Variants in PRR16 observed in about 807,000 individuals in gnomAD.
The protein encoded by PRR16 is protein Largen.
Under a neutral mutation model 18.2 loss-of-function variants are expected in PRR16, and 6 were observed. That is an observed-to-expected ratio of 0.33 (90% CI 0.18 to 0.65). The LOEUF is 0.65. PRR16 is among the 30% of genes least tolerant of loss of function. PRR16 has a pLI of 0.74. For missense variants in PRR16, 412 were observed against 376.6 expected (o/e 1.09, Z -0.78); for synonymous variants, 151 against 147.8 (o/e 1.02, Z -0.16).
chr5:120,698,618 G>A, the PRR16 span, among the ~76,000 whole-genome samples: 6 of 151,816 alleles, frequency 4.0e-5, no homozygotes, highest in Non-Finnish European at 8.8e-5. Context: ...AGTCTAAGTT[G>A]GTCTGGTGTC....
chr5:120,776,019 G>A, the PRR16 span, among the ~76,000 whole-genome samples: 24 of 151,980 alleles, frequency 1.6e-4, no homozygotes, highest in African/African-American at 5.5e-4. Context: ...CTGTCTACAT[G>A]GTAACATCCT....
At chr5:120,678,785 T>A (rs1262436101) in intron 1 of PRR16, among the ~76,000 whole-genome samples, 1 of 152,128 alleles carries the variant, frequency 6.6e-6, no homozygotes, top group Non-Finnish European at 1.5e-5. Flanking sequence ...TATTTCTTTC[T>A]CTTATCTAAT....
At chr5:120,748,411 A>G in the PRR16 span, among the ~76,000 whole-genome samples, 3 of 152,082 alleles carry the variant, frequency 2.0e-5, no homozygotes, top group Non-Finnish European at 4.4e-5. Flanking sequence ...TTATTCTTTC[A>G]TAAATTCATT....
chr5:120,643,798 A>G lies in PRR16; in HGVS notation c.160-42156A>G, dbSNP rs115098501. 4.7e-3 allele frequency among the ~76,000 whole-genome samples: 710 copies of G among 152,212 alleles called. 6 individuals carry two copies. Among genetic ancestry groups the G allele is most frequent in the African/African-American group, 0.016 (664 of 41,560 alleles). On this transcript the variant is annotated intron_variant, in intron 1 of 1. Transcript: ENST00000407149. ...GGTGGGCAAATAATTTGAGGTCAGGAGATCAAGACCAACGTGGCCAACATG... is the reference window on the plus strand; with the variant it reads ...GGTGGGCAAATAATTTGAGGTCAGGGGATCAAGACCAACGTGGCCAACATG...
At chr5:120,784,361 T>C in the PRR16 span, among the ~76,000 whole-genome samples, 1 of 152,178 alleles carries the variant, frequency 6.6e-6, no homozygotes, top group Non-Finnish European at 1.5e-5. Context: ...ACATCTTTGC[T>C]AGCATTTATT....
the PRR16 span, among the ~76,000 whole-genome samples, chr5:120,788,440 C>T: frequency 2.0e-5 from 3 of 152,092 alleles, no homozygotes; most frequent in East Asian, 1.9e-4. Context: ...TGTGGAAAGT[C>T]GGCTTTGTGT....
At chr5:120,503,508 G>C (rs1436886447) in intron 1 of PRR16, among the ~76,000 whole-genome samples, 1 of 152,126 alleles carries the variant, frequency 6.6e-6, no homozygotes, top group Non-Finnish European at 1.5e-5. Flanking sequence ...GACCTATTGT[G>C]TGGTAAGATA....
chr5:120,755,582 A>G, the PRR16 span, among the ~76,000 whole-genome samples: 1 of 152,114 alleles, frequency 6.6e-6, no homozygotes, highest in Non-Finnish European at 1.5e-5. Flanking sequence ...TTATGGCTGC[A>G]TAGTATTCTG....
the PRR16 span, among the ~76,000 whole-genome samples, chr5:120,746,119 A>G: frequency 6.8e-6 from 1 of 147,714 alleles, no homozygotes; most frequent in Non-Finnish European, 1.5e-5. Flanking sequence ...AATTTTTTCT[A>G]AAAGCTTTTT....
the PRR16 span, among the ~76,000 whole-genome samples, chr5:120,694,298 C>G: frequency 6.6e-6 from 1 of 152,080 alleles, no homozygotes; most frequent in African/African-American, 2.4e-5. Context: ...TCAGGTAAGC[C>G]TAATAATTCT....
At chr5:120,541,610 A>C (rs1046564329) in intron 1 of PRR16, among the ~76,000 whole-genome samples, 1 of 152,234 alleles carries the variant, frequency 6.6e-6, no homozygotes, top group Non-Finnish European at 1.5e-5. Flanking sequence ...CAGCTACAGC[A>C]GATTCGGGCT....
Position 120,659,737 on chromosome 5 carries a change from A to C in PRR16, c.160-26217A>C, listed in dbSNP as rs559830533. On this transcript the variant is annotated intron_variant, in intron 1 of 1. Coordinates refer to ENST00000407149, the MANE Select transcript of PRR16 (RefSeq NM_001300783.2). ...AAACTATCTTGTCTCTTGTATTTAT[A>C]CTTGAACGGCAGCTTGGCTAAGTTG... 4.6e-5 allele frequency among the ~76,000 whole-genome samples: 7 copies of C among 152,074 alleles called. No homozygotes were observed. In the South Asian group the frequency reaches 1.4e-3, roughly 31 times the overall value.
chr5:120,494,191 C>T (rs1217944313), intron 1 of PRR16, among the ~76,000 whole-genome samples: 1 of 152,138 alleles, frequency 6.6e-6, no homozygotes, highest in South Asian at 2.1e-4. Flanking sequence ...TCCTCACCAG[C>T]ATTTGATATC....
the PRR16 span, among the ~76,000 whole-genome samples, chr5:120,714,574 G>T: frequency 1.6e-4 from 25 of 152,278 alleles, no homozygotes; most frequent in East Asian, 4.6e-3. Flanking sequence ...GTAGAAGACA[G>T]TATGGTGATT....
At chr5:120,574,892 T>C (rs1037665932) in intron 1 of PRR16, among the ~76,000 whole-genome samples, 1 of 148,796 alleles carries the variant, frequency 6.7e-6, no homozygotes, top group African/African-American at 2.6e-5. Flanking sequence ...ATTCCATTTA[T>C]AGGTACATAA....
At chr5:120,781,181 T>C in the PRR16 span, 1 of 152,168 alleles carries the variant, frequency 6.6e-6, no homozygotes, top group African/African-American at 2.4e-5. Context: ...GGGCATATCA[T>C]AGACAGGAAA....
chr5:120,665,974 G>T (rs1379610676), intron 1 of PRR16, among the ~76,000 whole-genome samples: 1 of 151,814 alleles, frequency 6.6e-6, no homozygotes, highest in Non-Finnish European at 1.5e-5. Flanking sequence ...CTTTAAAGTA[G>T]TTTTTTCCAA....
At chr5:120,733,512 A>G in the PRR16 span, among the ~76,000 whole-genome samples, 3 of 152,168 alleles carry the variant, frequency 2.0e-5, no homozygotes, top group African/African-American at 4.8e-5. Flanking sequence ...TTCCCAGTGT[A>G]TAAGTCCCCA....
the PRR16 span, among the ~76,000 whole-genome samples, chr5:120,696,353 G>A: frequency 6.6e-6 from 1 of 152,138 alleles, no homozygotes; most frequent in African/African-American, 2.4e-5. Flanking sequence ...TGCTTTTGTA[G>A]TGTGCATCTT....
Sources: gnomAD v4.1 joint callset for allele counts (sites outside exome capture counted in the v4.1 genomes callset) on GRCh38, gnomAD v4.1.1 for gene constraint, MANE v1.5 for transcripts, NCBI Gene and HGNC (gene_info 2026-07-23, HGNC 2026-07-21) for gene names.